Variants in DDX10 observed in about 807,000 individuals in gnomAD.
The protein encoded by DDX10 is probable ATP-dependent RNA helicase DDX10.
Under a neutral mutation model 104.3 loss-of-function variants are expected in DDX10, and 74 were observed. The ratio of observed to expected loss-of-function variants is 0.71; its 90% CI spans 0.59 to 0.86. The LOEUF (loss-of-function observed/expected upper bound fraction) is 0.86, where lower values mean the gene tolerates loss of function less well. Among genes scored for constraint, DDX10 ranks in the 40% least tolerant of loss-of-function variants. DDX10 has a pLI of 0.00. For missense variants in DDX10, 952 were observed against 1,040.0 expected (o/e 0.92, Z 1.16); for synonymous variants, 351 against 353.4 (o/e 0.99, Z 0.08).
At chr11:108,780,271 G>A (rs934559487) in intron 13 of DDX10, among the ~76,000 whole-genome samples, 1 of 152,152 alleles carries the variant, frequency 6.6e-6, no homozygotes, top group African/African-American at 2.4e-5. Context: ...AGGACAGGGT[G>A]GCTGAAGTTA....
intron 17 of DDX10, among the ~76,000 whole-genome samples, chr11:108,925,436 A>G (rs1278914519): frequency 2.0e-5 from 3 of 152,188 alleles, no homozygotes; most frequent in Non-Finnish European, 4.4e-5. Flanking sequence ...TCAGGATGCT[A>G]TGAGGCTAAG....
At chr11:108,802,029 GTGTGTGTT>G (rs1335659334) in intron 13 of DDX10, among the ~76,000 whole-genome samples, 2 of 151,506 alleles carry the variant, frequency 1.3e-5, no homozygotes, top group East Asian at 3.9e-4. Context: ...GTGTGTGTGT[GTGTGTGTT>G]TGTGTGTATG....
At chr11:108,830,898 T>G (rs1322233770) in intron 13 of DDX10, among the ~76,000 whole-genome samples, 1 of 152,254 alleles carries the variant, frequency 6.6e-6, no homozygotes, top group African/African-American at 2.4e-5. Context: ...TAGTGTGTTC[T>G]TAATTTATAC....
At chr11:108,722,876 C>T in intron 12 of DDX10, 121 bp from the exon 13 acceptor site, 1 of 1,409,466 alleles carries the variant, frequency 7.1e-7, no homozygotes. Flanking sequence ...AGTTGTATCT[C>T]ACAGGAACAT....
intron 2 of DDX10, among the ~76,000 whole-genome samples, chr11:108,674,326 G>T (rs1231800963): frequency 6.6e-6 from 1 of 152,072 alleles, no homozygotes; most frequent in African/African-American, 2.4e-5. Context: ...TATATTTACA[G>T]TGTATACATG....
chr11:108,929,796 A>T (rs997677252), intron 17 of DDX10: 1 of 152,198 alleles, frequency 6.6e-6, no homozygotes, highest in African/African-American at 2.4e-5. Flanking sequence ...AATTTAATTA[A>T]GTTATAATGT....
chr11:108,905,065 G>A (rs891603971), intron 16 of DDX10, among the ~76,000 whole-genome samples: 2 of 152,062 alleles, frequency 1.3e-5, no homozygotes, highest in South Asian at 2.1e-4. Flanking sequence ...CGGGCTGCCC[G>A]TGGACTCTTT....
In DDX10 at chr11:108,712,627, T is replaced by C. The variant is rs1403433404; in HGVS notation, c.1323-3252T>C. ...TCATTGATGTCATTCATTTCACTTA[T>C]GTAAAGCATACATAAGCGTATATAC... On this transcript the variant is annotated intron_variant, in intron 10 of 17. Transcript: ENST00000322536. Among the ~76,000 whole-genome samples, 3 of 152,198 alleles carry C rather than the reference T, an allele frequency of 2.0e-5. No homozygotes were observed. The South Asian group carries it at 6.2e-4, about 31-fold the overall frequency.
At chr11:108,731,754 C>CTG (rs1267307948) in intron 13 of DDX10, among the ~76,000 whole-genome samples, 1 of 152,156 alleles carries the variant, frequency 6.6e-6, no homozygotes, top group African/African-American at 2.4e-5. Context: ...GTGTTGTATG[C>CTG]ATCCATCAGT....
At chr11:108,778,288 A>G (rs1051551228) in intron 13 of DDX10, among the ~76,000 whole-genome samples, 1 of 152,228 alleles carries the variant, frequency 6.6e-6, no homozygotes, top group East Asian at 1.9e-4. Context: ...ACCTGACTTC[A>G]AACTATACTA....
intron 15 of DDX10, among the ~76,000 whole-genome samples, chr11:108,844,426 C>T (rs904293165): frequency 1.3e-5 from 2 of 152,160 alleles, no homozygotes; most frequent in Non-Finnish European, 2.9e-5. Flanking sequence ...GTAGCATTAG[C>T]ATGTTTACTA....
intron 13 of DDX10, among the ~76,000 whole-genome samples, chr11:108,761,363 A>C (rs1459063056): frequency 2.0e-5 from 3 of 151,946 alleles, no homozygotes; most frequent in Non-Finnish European, 1.5e-5. Flanking sequence ...GCGCCTCTAA[A>C]TTTTTTTTGT....
At chr11:108,874,482 A>G (rs769824391) in intron 16 of DDX10, among the ~76,000 whole-genome samples, 5 of 152,170 alleles carry the variant, frequency 3.3e-5, no homozygotes, top group Non-Finnish European at 1.5e-5. Flanking sequence ...ACAACATATT[A>G]TTTAGCAGAG....
chr11:108,728,160 C>T (rs369339591), intron 13 of DDX10, among the ~76,000 whole-genome samples: 1 of 152,102 alleles, frequency 6.6e-6, no homozygotes, highest in African/African-American at 2.4e-5. Flanking sequence ...TTTAAATGCT[C>T]ATTCTAAGAA....
chr11:108,667,935 A>G (rs2094212126), intron 1 of DDX10, among the ~76,000 whole-genome samples: 1 of 152,196 alleles, frequency 6.6e-6, no homozygotes, highest in African/African-American at 2.4e-5. Flanking sequence ...CTACTAGACC[A>G]TGAACATTCA....
intron 16 of DDX10, among the ~76,000 whole-genome samples, chr11:108,904,682 C>T (rs1863566756): frequency 6.6e-6 from 1 of 151,532 alleles, no homozygotes; most frequent in African/African-American, 2.4e-5. Context: ...CCCATCTCCT[C>T]TGTTTATTTC....
intron 6 of DDX10, among the ~76,000 whole-genome samples, chr11:108,687,585 C>G (rs577065171): frequency 6.6e-6 from 1 of 152,262 alleles, no homozygotes. Flanking sequence ...GGAGAGGTGT[C>G]TGTTAAGATT....
At chr11:108,819,522 G>T (rs1287708506) in intron 13 of DDX10, among the ~76,000 whole-genome samples, 1 of 152,118 alleles carries the variant, frequency 6.6e-6, no homozygotes, top group Non-Finnish European at 1.5e-5. Flanking sequence ...ACAGGAATAG[G>T]TGTCCCAGTA....
At chr11:108,708,552 G>A (rs2094279792) in intron 10 of DDX10, among the ~76,000 whole-genome samples, 2 of 148,758 alleles carry the variant, frequency 1.3e-5, no homozygotes, top group Non-Finnish European at 3.0e-5. Flanking sequence ...TTTATTGCTG[G>A]TAAATTGGTG....
Sources: allele counts gnomAD v4.1 joint callset (sites outside exome capture counted in the v4.1 genomes callset), GRCh38; gene constraint gnomAD v4.1.1; transcripts MANE v1.5; gene names NCBI Gene and HGNC (gene_info 2026-07-23, HGNC 2026-07-21).